Variants in ANK2 observed in about 807,000 individuals in gnomAD.
ANK2 encodes the protein ankyrin-2.
In ANK2, 83 loss-of-function variants were observed where a neutral mutation model predicts 360.5. The observed-to-expected ratio is 0.23, with a 90% CI of 0.19 to 0.28. The LOEUF (loss-of-function observed/expected upper bound fraction) is 0.28. Ranked by LOEUF, ANK2 falls within the 10% of genes least tolerant of loss-of-function variation. The pLI is 1.00. For synonymous variants in ANK2, 1,740 were observed against 1,759.5 expected, an observed-to-expected ratio of 0.99 and a Z score of 0.28; for missense variants, 4,201 against 4,795.7, an observed-to-expected ratio of 0.88 and a Z score of 3.66.
At chr4:112,822,042 A>G (rs1452344026) in intron 1 of ANK2, among the ~76,000 whole-genome samples, 1 of 152,120 alleles carries the variant, frequency 6.6e-6, no homozygotes. Flanking sequence ...AGCTGGGATT[A>G]CAGGCATGAG....
chr4:113,241,286 G>A (rs1439077763), intron 8 of ANK2, among the ~76,000 whole-genome samples: 2 of 152,158 alleles, frequency 1.3e-5, no homozygotes, highest in Non-Finnish European at 2.9e-5. Context: ...ACTATGTTGT[G>A]TTATTTTCAA....
intron 4 of ANK2, among the ~76,000 whole-genome samples, chr4:113,216,228 G>T (rs116056369): frequency 1.3e-5 from 2 of 152,230 alleles, no homozygotes; most frequent in South Asian, 4.1e-4. Context: ...GCAGTTTATT[G>T]TTACCTCCTG....
At chr4:112,763,658 A>G in the ANK2 span, among the ~76,000 whole-genome samples, 1 of 151,218 alleles carries the variant, frequency 6.6e-6, no homozygotes, top group Non-Finnish European at 1.5e-5. Flanking sequence ...CAACCTCTGT[A>G]GTAGCTGGGA....
chr4:112,791,272 C>G, the ANK2 span, among the ~76,000 whole-genome samples: 4 of 152,112 alleles, frequency 2.6e-5, no homozygotes, highest in Admixed American at 6.5e-5. Flanking sequence ...GAGATTCCCA[C>G]AGTAGGAGAG....
intron 2 of ANK2, among the ~76,000 whole-genome samples, chr4:112,924,288 A>C (rs1293646259): frequency 1.3e-5 from 2 of 151,792 alleles, no homozygotes; most frequent in African/African-American, 2.4e-5. Context: ...GAATTGCTTG[A>C]ACCCGGGAGA....
At chr4:113,326,531 CT>C (rs1278780773) in intron 26 of ANK2, among the ~76,000 whole-genome samples, 2 of 151,982 alleles carry the variant, frequency 1.3e-5, no homozygotes, top group African/African-American at 4.8e-5. Flanking sequence ...TAATATTTAG[CT>C]TTTTTATATC....
At chr4:112,725,462 G>A in the ANK2 span, among the ~76,000 whole-genome samples, 4 of 139,428 alleles carry the variant, frequency 2.9e-5, no homozygotes, top group African/African-American at 8.0e-5. Context: ...CCGGGTTCAC[G>A]CGATTCTCCT....
At chr4:113,147,181 A>G (rs993244787) in intron 1 of ANK2, among the ~76,000 whole-genome samples, 32 of 152,194 alleles carry the variant, frequency 2.1e-4, no homozygotes, top group African/African-American at 7.7e-4. Flanking sequence ...AGAAAAAAAA[A>G]GGTGGGGAGG....
chr4:113,184,783 C>A (rs1476324657), intron 2 of ANK2, among the ~76,000 whole-genome samples: 1 of 151,956 alleles, frequency 6.6e-6, no homozygotes, highest in South Asian at 2.1e-4. Context: ...TAGGTATACA[C>A]TTGCCATGGT....
At chr4:113,308,252 G>A (rs1004017568) in intron 23 of ANK2, among the ~76,000 whole-genome samples, 4 of 152,188 alleles carry the variant, frequency 2.6e-5, no homozygotes, top group Admixed American at 2.6e-4. Flanking sequence ...CTTGGGCAAG[G>A]AAGTAGTCGT....
intron 1 of ANK2, among the ~76,000 whole-genome samples, chr4:112,819,819 C>CAAA (rs1383113858): frequency 2.6e-5 from 4 of 152,182 alleles, no homozygotes; most frequent in Non-Finnish European, 5.9e-5. Context: ...AAAGGGTCTG[C>CAAA]ATCACTGCTT....
intron 1 of ANK2, among the ~76,000 whole-genome samples, chr4:112,846,171 A>G (rs1022443714): frequency 6.6e-6 from 1 of 151,786 alleles, no homozygotes; most frequent in African/African-American, 2.4e-5. Flanking sequence ...GCTGGAGTGC[A>G]GTGGCACAAT....
chr4:113,162,531 G>T (rs546900337), intron 1 of ANK2, among the ~76,000 whole-genome samples: 10 of 152,080 alleles, frequency 6.6e-5, no homozygotes, highest in African/African-American at 2.4e-4. Flanking sequence ...CTATTCCCTG[G>T]GCTGGCTCTG....
chr4:113,229,746 A>G (rs866765506), intron 4 of ANK2, among the ~76,000 whole-genome samples: 38 of 152,250 alleles, frequency 2.5e-4, no homozygotes, highest in African/African-American at 8.7e-4. Context: ...AGCCAGAGGA[A>G]GTCCCTCTAA....
At chr4:113,286,208 TA>T (rs2153725389) in intron 18 of ANK2, among the ~76,000 whole-genome samples, 1 of 152,366 alleles carries the variant, frequency 6.6e-6, no homozygotes, top group African/African-American at 2.4e-5. Flanking sequence ...GTTATTTTAG[TA>T]AGGAGAAAAT....
intron 1 of ANK2, among the ~76,000 whole-genome samples, chr4:112,858,921 A>G (rs542879621): frequency 1.3e-5 from 2 of 152,302 alleles, no homozygotes; most frequent in Admixed American, 1.3e-4. Context: ...ACCTTTGTGA[A>G]ACAAGTCTCA....
chr4:113,143,645 GT>G (rs1490681384), intron 1 of ANK2, among the ~76,000 whole-genome samples: 42 of 152,154 alleles, frequency 2.8e-4, no homozygotes, highest in Admixed American at 2.8e-3. Flanking sequence ...GGCATTCTTT[GT>G]TTTGGGTTTA....
At chr4:113,168,109 A>G (rs904004718) in intron 1 of ANK2, among the ~76,000 whole-genome samples, 1 of 152,178 alleles carries the variant, frequency 6.6e-6, no homozygotes, top group Non-Finnish European at 1.5e-5. Flanking sequence ...CATGGTTGGT[A>G]TCTTAGGGAA....
intron 2 of ANK2, among the ~76,000 whole-genome samples, chr4:112,908,280 G>C (rs2150973820): frequency 6.6e-6 from 1 of 152,264 alleles, no homozygotes; most frequent in Non-Finnish European, 1.5e-5. Context: ...ATTATAACTT[G>C]GTTTTACATT....
Sources: gnomAD v4.1 joint callset for allele counts (sites outside exome capture counted in the v4.1 genomes callset) on GRCh38, gnomAD v4.1.1 for gene constraint, MANE v1.5 for transcripts, NCBI Gene and HGNC (gene_info 2026-07-23, HGNC 2026-07-21) for gene names.